Variants in ANKRD42 observed in about 807,000 individuals in gnomAD.
ANKRD42 encodes ankyrin repeat domain-containing protein 42.
In ANKRD42, 43 loss-of-function variants were observed where a neutral mutation model predicts 51.5. That is an observed-to-expected ratio of 0.83 (90% confidence interval 0.65 to 1.08). ANKRD42 has a LOEUF of 1.08. Ranked by LOEUF, ANKRD42 falls within the 50% of genes least tolerant of loss-of-function variation. The pLI is 0.00. For missense variants in ANKRD42, 608 were observed against 629.3 expected, an observed-to-expected ratio of 0.97 and a Z score of 0.36; for synonymous variants, 203 against 213.0, an observed-to-expected ratio of 0.95 and a Z score of 0.41.
downstream of ANKRD42, chr11:83,257,453 G>A: frequency 1.1e-5 from 4 of 380,594 alleles, no homozygotes; most frequent in South Asian, 3.9e-5. Flanking sequence ...GTTGTTTTTT[G>A]GTCAGCAAAG....
intron 9 of ANKRD42, among the ~76,000 whole-genome samples, chr11:83,244,173 G>A (rs1249070631): frequency 6.6e-6 from 1 of 151,784 alleles, no homozygotes; most frequent in Non-Finnish European, 1.5e-5. Context: ...TAGAGATGGG[G>A]TTTCACCATG....
chr11:83,242,438 G>C (rs1196795355), intron 9 of ANKRD42, among the ~76,000 whole-genome samples: 1 of 71,904 alleles, frequency 1.4e-5, no homozygotes, highest in Non-Finnish European at 2.8e-5. Context: ...GAAGTGGTGA[G>C]ATTTGGTGTA....
chr11:83,235,331 T>C (rs943970268), intron 7 of ANKRD42, among the ~76,000 whole-genome samples: 2 of 152,224 alleles, frequency 1.3e-5, no homozygotes, highest in Non-Finnish European at 2.9e-5. Context: ...GATGTATATA[T>C]ACTACTTAGT....
At chr11:83,224,718 A>T (rs1862820183) in intron 5 of ANKRD42, 137 bp from the exon 6 acceptor site, 3 of 570,350 alleles carry the variant, frequency 5.3e-6, no homozygotes, top group Admixed American at 8.0e-5. Flanking sequence ...CAGGAGTTGG[A>T]GGCTATAATG....
intron 5 of ANKRD42, among the ~76,000 whole-genome samples, chr11:83,221,080 AT>A (rs367919110): frequency 2.1e-4 from 30 of 142,456 alleles, no homozygotes; most frequent in East Asian, 4.1e-4. Flanking sequence ...ATTTCTTTCC[AT>A]TTTTTTTTTC....
chr11:83,256,334 T>C (rs1272463972), downstream of ANKRD42, among the ~76,000 whole-genome samples: 1 of 152,138 alleles, frequency 6.6e-6, no homozygotes, highest in Non-Finnish European at 1.5e-5. Flanking sequence ...CTTTCACTTC[T>C]AGTGTGGATA....
intron 2 of ANKRD42, among the ~76,000 whole-genome samples, chr11:83,204,708 T>G: frequency 6.6e-6 from 1 of 151,974 alleles, no homozygotes; most frequent in Non-Finnish European, 1.5e-5. Context: ...AAACAGATTG[T>G]AGATAAATGT....
chr11:83,242,567 G>GTTTTTTTTTTTTGTTTTTTTT (rs1863421468), intron 9 of ANKRD42, among the ~76,000 whole-genome samples: 1 of 115,546 alleles, frequency 8.7e-6, no homozygotes, highest in African/African-American at 3.5e-5. Context: ...TGGTAGTTAA[G>GTTTTTTTTTTTTGTTTTTTTT]TTTTTTTTTT....
At chr11:83,210,184 A>C in intron 3 of ANKRD42, 116 bp from the exon 4 acceptor site, 1 of 975,456 alleles carries the variant, frequency 1.0e-6, no homozygotes, top group South Asian at 1.8e-5. Flanking sequence ...ATGTAAGAAC[A>C]TACATAAGAA....
chr11:83,238,305 G>C (rs901890328), intron 8 of ANKRD42, among the ~76,000 whole-genome samples: 2 of 152,208 alleles, frequency 1.3e-5, no homozygotes, highest in Non-Finnish European at 2.9e-5. Flanking sequence ...TCAATTCTTT[G>C]GTAAGTCTAT....
At chr11:83,251,190 T>C (rs1470579085), downstream of ANKRD42, among the ~76,000 whole-genome samples, 1 of 152,194 alleles carries the variant, frequency 6.6e-6, no homozygotes, top group African/African-American at 2.4e-5. Context: ...GAAAACTGCC[T>C]GTTGACTCTG....
In ANKRD42 at chr11:83,248,094, G is replaced by A. The variant is rs1863597122; in HGVS notation, c.1474G>A (p.Val492Ile). 1 of 1,560,790 alleles carries A rather than the reference G, an allele frequency of 6.4e-7. No homozygotes were observed. The highest frequency in any genetic ancestry group is 1.4e-5 in the African/African-American group (1 of 73,264). Reference protein sequence around the residue: ...QVPNFVAMVGVLFNTFIFLKK... With the variant: ...QVPNFVAMVGILFNTFIFLKK... ...CCCAAACTTTGTGGCTATGGTTGGT[G>A]TCCTTTTTAATACATTTATTTTTCT... Residue 492 changes from valine to isoleucine, a missense_variant, in exon 11 of 11, where the codon GTC (valine) becomes ATC (isoleucine). Transcript: ENST00000533342.
intron 5 of ANKRD42, among the ~76,000 whole-genome samples, chr11:83,216,275 T>C (rs1262836917): frequency 6.6e-6 from 1 of 152,212 alleles, no homozygotes; most frequent in Non-Finnish European, 1.5e-5. Context: ...TCAAATGTTT[T>C]CCATTTGCAC....
downstream of ANKRD42, chr11:83,261,778 C>A: frequency 1.6e-6 from 1 of 610,586 alleles, no homozygotes; most frequent in Admixed American, 2.8e-5. Flanking sequence ...TAAAACACTT[C>A]CTCTTTTAGT....
downstream of ANKRD42, among the ~76,000 whole-genome samples, chr11:83,262,679 C>T (rs1312982528): frequency 6.6e-6 from 1 of 152,138 alleles, no homozygotes; most frequent in East Asian, 1.9e-4. Flanking sequence ...TGAATAAAGA[C>T]ACAAGAAATT....
At chr11:83,252,856 A>T (rs773808040), downstream of ANKRD42, among the ~76,000 whole-genome samples, 4 of 151,442 alleles carry the variant, frequency 2.6e-5, no homozygotes, top group Non-Finnish European at 5.9e-5. Context: ...ATATATTTAG[A>T]TATATACTTA....
At chr11:83,260,497 A>T (rs1863879824), downstream of ANKRD42, 1 of 152,238 alleles carries the variant, frequency 6.6e-6, no homozygotes, top group African/African-American at 2.4e-5. Flanking sequence ...TTTCTTTTGA[A>T]AACAAACCAG....
chr11:83,240,419 A>G (rs1863351606), intron 8 of ANKRD42, among the ~76,000 whole-genome samples: 1 of 152,252 alleles, frequency 6.6e-6, no homozygotes, highest in African/African-American at 2.4e-5. Flanking sequence ...TAGGTAATCA[A>G]GGAGGGTGGT....
intron 5 of ANKRD42, among the ~76,000 whole-genome samples, chr11:83,217,704 A>G (rs1453412278): frequency 6.6e-6 from 1 of 152,204 alleles, no homozygotes; most frequent in Non-Finnish European, 1.5e-5. Context: ...CCTCTGGGGC[A>G]GTGCGCCTTC....
Sources: allele counts gnomAD v4.1 joint callset (sites outside exome capture counted in the v4.1 genomes callset), GRCh38; gene constraint gnomAD v4.1.1; transcripts MANE v1.5; gene names NCBI Gene and HGNC (gene_info 2026-07-23, HGNC 2026-07-21).